The following PC variants were observed in gnomAD, a reference collection of about 807,000 sequenced individuals.
PC encodes pyruvate carboxylase, mitochondrial.
In PC, 46 loss-of-function variants were observed where a neutral mutation model predicts 107.8. That is an observed-to-expected ratio of 0.43 (90% CI 0.34 to 0.55). The LOEUF is 0.55. Ranked by LOEUF, PC falls within the 20% of genes least tolerant of loss-of-function variation. The pLI, the probability that PC is intolerant of heterozygous loss-of-function variation, is 0.04. For synonymous variants in PC, 662 were observed against 684.7 expected, an observed-to-expected ratio of 0.97 and a Z score of 0.52; for missense variants, 1,241 against 1,643.1, an observed-to-expected ratio of 0.76 and a Z score of 4.23.
intron 12 of PC, chr11:66,859,130 G>C: frequency 1.4e-6 from 2 of 1,473,024 alleles, no homozygotes; most frequent in South Asian, 2.9e-5. Flanking sequence ...TGCACTCCCG[G>C]CGCCCTTCCT....
rs183811878 is a variant in PC at position 66,884,166 on chromosome 11, C to T, written c.1-12007G>A. Among the ~76,000 whole-genome samples, 127 of 151,210 alleles carry T rather than the reference C, an allele frequency of 8.4e-4. 1 individual carries two copies. The highest frequency in any genetic ancestry group is 6.6e-3 in the East Asian group (34 of 5,136). ...GGCTGAGGCAGGAAAATCGCTTGAA[C>T]GTGGGAGGCAGAGGTTGCGGTGGGC... On this transcript the variant is annotated intron_variant, in intron 3 of 22. Transcript: ENST00000393960.
rs370717737 is a variant in PC, at chr11:66,856,198, A to G, written c.1369-2815T>C. ...GGAGCTGGTTCCGAGCCGCTCTTCC[A>G]GGGAAATGGCCCGGCGGCGACAGAG... is the stretch of plus-strand genomic sequence containing the variant. On this transcript the variant is annotated intron_variant, in intron 12 of 22. Transcript: ENST00000393960. Among the ~76,000 whole-genome samples, 17 of 152,376 alleles carry G rather than the reference A, an allele frequency of 1.1e-4. No individual in the cohort carries two copies. The East Asian group carries it at 2.5e-3, about 22-fold the overall frequency.
chr11:66,892,584 C>T (rs1288341194), intron 3 of PC, among the ~76,000 whole-genome samples: 6 of 152,166 alleles, frequency 3.9e-5, no homozygotes, highest in Non-Finnish European at 7.3e-5. Flanking sequence ...CGGTGGCTCA[C>T]GCCTGTAGTC....
intron 3 of PC, among the ~76,000 whole-genome samples, chr11:66,910,057 C>T (rs1948289959): frequency 6.6e-6 from 1 of 152,156 alleles, no homozygotes; most frequent in Non-Finnish European, 1.5e-5. Context: ...TACCCTGAAA[C>T]CAACAATTAT....
intron 3 of PC, among the ~76,000 whole-genome samples, chr11:66,926,994 T>A (rs745407196): frequency 3.6e-4 from 55 of 150,838 alleles, no homozygotes; most frequent in Non-Finnish European, 6.9e-4. Context: ...CTTTTGGCTC[T>A]TTTTTTGTGT....
At chr11:66,887,754 G>C (rs571587015) in intron 3 of PC, among the ~76,000 whole-genome samples, 6 of 152,348 alleles carry the variant, frequency 3.9e-5, no homozygotes, top group African/African-American at 1.2e-4. Flanking sequence ...GGAGCGCCTG[G>C]AGTGATGCCA....
intron 9 of PC, among the ~76,000 whole-genome samples, chr11:66,869,688 C>T (rs955601191): frequency 6.6e-6 from 1 of 152,170 alleles, no homozygotes; most frequent in Non-Finnish European, 1.5e-5. Context: ...CCTCTGCTGC[C>T]TATAGGCCAG....
rs988090688 is a variant in PC, at chr11:66,912,065, C to T, written c.1-39906G>A. The stretch of plus-strand genomic sequence containing the variant: ...AAAGAAAAGAAAAGCAAACCTTATA[C>T]ACTGAAAACTATAAAAGACCCTCAA... On this transcript the variant is annotated intron_variant, in intron 3 of 22. Coordinates refer to ENST00000393960, the MANE Select transcript of PC (RefSeq NM_001040716.2). Among the ~76,000 whole-genome samples, 2 of 151,900 alleles carry T rather than the reference C, an allele frequency of 1.3e-5. 1 individual carries two copies. Among genetic ancestry groups the T allele is most frequent in the South Asian group, 4.2e-4 (2 of 4,816 alleles).
At chr11:66,925,081 T>C (rs1390772766) in intron 3 of PC, among the ~76,000 whole-genome samples, 2 of 152,166 alleles carry the variant, frequency 1.3e-5, no homozygotes, top group Admixed American at 6.5e-5. Flanking sequence ...GATCATGTGC[T>C]TCACAAGGTA....
chr11:66,890,456 G>A (rs937790909), intron 3 of PC, among the ~76,000 whole-genome samples: 3 of 148,458 alleles, frequency 2.0e-5, no homozygotes, highest in Admixed American at 1.3e-4. Flanking sequence ...GTGACAGAGC[G>A]AGACTCCATC....
intron 3 of PC, among the ~76,000 whole-genome samples, chr11:66,940,377 T>TTG (rs1006442992): frequency 8.6e-5 from 13 of 151,896 alleles, no homozygotes; most frequent in African/African-American, 1.9e-4. Flanking sequence ...AGGTGGTTTT[T>TTG]TGTGTGTGTG....
In PC at chr11:66,863,878, A is replaced by T; in HGVS notation, c.1264T>A (p.Tyr422Asn). ...ATGACTTTGACCAGCAGGGAGTCGT[A>T]GTGGGGCGAGATGACGGCTCCTTGG... ...AFQGAVISPH[Y>N]DSLLVKVIAH... The change falls in exon 12 of 23, where the codon TAC becomes AAC. Residue 422 changes from tyrosine to asparagine, a missense_variant. This residue lies in a region of PC where 1,143 missense variants were observed against 1,551.9 expected (regional missense o/e 0.74). Coordinates refer to ENST00000393960, the MANE Select transcript of PC (RefSeq NM_001040716.2). 1 of 1,614,036 alleles carries T rather than the reference A, an allele frequency of 6.2e-7. No homozygotes were observed. The highest frequency in any genetic ancestry group is 8.5e-7 in the Non-Finnish European group (1 of 1,180,004).
At chr11:66,943,437 C>T (rs1482748037) in intron 3 of PC, among the ~76,000 whole-genome samples, 1 of 151,908 alleles carries the variant, frequency 6.6e-6, no homozygotes, top group Non-Finnish European at 1.5e-5. Context: ...CTTCCAAAAC[C>T]GTTAAGAAAT....
chr11:66,900,175 G>A (rs1173053952), intron 3 of PC, among the ~76,000 whole-genome samples: 4 of 72,880 alleles, frequency 5.5e-5, no homozygotes, highest in Admixed American at 3.8e-4. Flanking sequence ...GTCCTCCAAC[G>A]TTGTTTTTTT....
intron 3 of PC, among the ~76,000 whole-genome samples, chr11:66,924,967 CAT>C (rs1158455092): frequency 6.6e-6 from 1 of 152,118 alleles, no homozygotes; most frequent in Non-Finnish European, 1.5e-5. Flanking sequence ...GGAGACATCA[CAT>C]GTTGGCAGGT....
At position 66,885,450 on chromosome 11, in the gene PC, C is replaced by T. The variant is rs537634913; in HGVS notation, c.1-13291G>A. On this transcript the variant is annotated intron_variant, in intron 3 of 22. Transcript: ENST00000393960. Reference sequence around the variant, plus strand: ...AGGTTGCAGTGAGCCGAGATGGCGCCATTGCACTCCAGCCTGGGCAACAGT... The same window carrying T: ...AGGTTGCAGTGAGCCGAGATGGCGCTATTGCACTCCAGCCTGGGCAACAGT... Among the ~76,000 whole-genome samples the T allele has an allele frequency of 3.4e-5, 5 of 148,596 alleles. No homozygotes were observed. The East Asian group carries it at 9.9e-4, about 29-fold the overall frequency.
chr11:66,856,508 C>CA (rs1945843172), intron 12 of PC: 1 of 152,586 alleles, frequency 6.6e-6, no homozygotes, highest in Non-Finnish European at 1.5e-5. Flanking sequence ...CAGCCCCCCC[C>CA]ACGGCCGAAC....
chr11:66,881,051 C>T (rs936243431), intron 3 of PC, among the ~76,000 whole-genome samples: 1 of 152,210 alleles, frequency 6.6e-6, no homozygotes, highest in Non-Finnish European at 1.5e-5. Flanking sequence ...AGTTACACGC[C>T]TCGGGGGATG....
chr11:66,927,204 T>C (rs532557383), intron 3 of PC, among the ~76,000 whole-genome samples: 9 of 133,230 alleles, frequency 6.8e-5, no homozygotes, highest in Non-Finnish European at 1.4e-4. Context: ...CTCACACATA[T>C]ATTACATTTT....
Sources: gnomAD v4.1 joint callset for allele counts (sites outside exome capture counted in the v4.1 genomes callset) on GRCh38, gnomAD v4.1.1 for gene constraint, gnomAD v4.1.1 regional missense constraint, MANE v1.5 for transcripts, NCBI Gene and HGNC (gene_info 2026-07-23, HGNC 2026-07-21) for gene names.